The following WASF3 variants were observed in gnomAD, a reference collection of about 807,000 sequenced individuals.
The protein encoded by WASF3 is WASP family member 3, also known as actin-binding protein WASF3.
A neutral mutation model predicts 46.6 loss-of-function variants in WASF3; 11 were observed. The observed-to-expected ratio is 0.24, with a 90% CI of 0.15 to 0.39. The LOEUF (loss-of-function observed/expected upper bound fraction) is 0.39. Ranked by LOEUF, WASF3 falls within the 10% of genes least tolerant of loss-of-function variation. WASF3 has a pLI of 1.00. For missense variants in WASF3, 576 were observed against 669.8 expected (o/e 0.86, Z 1.55); for synonymous variants, 242 against 259.7 (o/e 0.93, Z 0.65).
intron 2 of WASF3, among the ~76,000 whole-genome samples, chr13:26,624,159 C>T (rs1173070645): frequency 6.6e-6 from 1 of 152,132 alleles, no homozygotes; most frequent in African/African-American, 2.4e-5. Context: ...TCAATGGAAA[C>T]AGACTCAGAG....
chr13:26,596,490 C>G (rs921472947), intron 1 of WASF3, among the ~76,000 whole-genome samples: 1 of 151,892 alleles, frequency 6.6e-6, no homozygotes, highest in African/African-American at 2.4e-5. Flanking sequence ...AAAATTTAGC[C>G]TTCTTAAATG....
intron 7 of WASF3, chr13:26,680,013 G>A (rs776648252): frequency 1.3e-5 from 20 of 1,591,492 alleles, no homozygotes; most frequent in Middle Eastern, 1.6e-4. Flanking sequence ...CACCCCCAAT[G>A]TGTGTTTGGT....
chr13:26,632,669 C>T (rs574408395), intron 2 of WASF3, among the ~76,000 whole-genome samples: 2 of 152,258 alleles, frequency 1.3e-5, no homozygotes, highest in Admixed American at 6.5e-5. Flanking sequence ...TTTGGTATCA[C>T]GATGATGCTG....
At chr13:26,596,750 T>C (rs1880477659) in intron 1 of WASF3, among the ~76,000 whole-genome samples, 1 of 152,210 alleles carries the variant, frequency 6.6e-6, no homozygotes, top group South Asian at 2.1e-4. Flanking sequence ...CCTTGTCTTC[T>C]GGGACTCCAG....
intron 3 of WASF3, among the ~76,000 whole-genome samples, chr13:26,645,811 A>G (rs1449306585): frequency 6.6e-6 from 1 of 152,210 alleles, no homozygotes; most frequent in East Asian, 1.9e-4. Flanking sequence ...AGTACTTTAG[A>G]ATAGTTATGA....
At chr13:26,590,935 G>A (rs1188872587) in intron 1 of WASF3, among the ~76,000 whole-genome samples, 1 of 152,194 alleles carries the variant, frequency 6.6e-6, no homozygotes, top group African/African-American at 2.4e-5. Flanking sequence ...TTTAAAAAGG[G>A]TAAGGAGGTT....
chr13:26,645,288 T>C (rs1435114053), intron 3 of WASF3, among the ~76,000 whole-genome samples: 2 of 152,118 alleles, frequency 1.3e-5, no homozygotes, highest in African/African-American at 4.8e-5. Context: ...AGGCACTGTC[T>C]TGAAGAAGAG....
intron 1 of WASF3, among the ~76,000 whole-genome samples, chr13:26,573,972 T>C (rs572603888): frequency 1.5e-4 from 23 of 150,648 alleles, no homozygotes; most frequent in Non-Finnish European, 2.9e-4. Context: ...TCATCTGTTA[T>C]TTTTGCTGTA....
At chr13:26,677,401 T>G (rs1234216878) in intron 7 of WASF3, among the ~76,000 whole-genome samples, 1 of 152,232 alleles carries the variant, frequency 6.6e-6, no homozygotes, top group Non-Finnish European at 1.5e-5. Flanking sequence ...CTATTTCTGC[T>G]TTTGTAAAGT....
chr13:26,662,753 T>C (rs1882666131), intron 3 of WASF3, among the ~76,000 whole-genome samples: 1 of 152,220 alleles, frequency 6.6e-6, no homozygotes, highest in African/African-American at 2.4e-5. Context: ...TCACTCAATA[T>C]ACCCATGTAA....
intron 3 of WASF3, 147 bp from the exon 4 acceptor site, chr13:26,664,881 T>C (rs1882725999): frequency 1.4e-6 from 1 of 720,514 alleles, no homozygotes; most frequent in Non-Finnish European, 2.3e-6. Flanking sequence ...TCAAAAGTTC[T>C]AAAGGCCTTG....
chr13:26,594,618 A>G (rs959575849), intron 1 of WASF3, among the ~76,000 whole-genome samples: 4 of 152,144 alleles, frequency 2.6e-5, no homozygotes, highest in African/African-American at 9.7e-5. Flanking sequence ...TCATACTGCC[A>G]AAGTTACCTC....
At chr13:26,607,456 A>G (rs1045311462) in intron 1 of WASF3, among the ~76,000 whole-genome samples, 1 of 152,234 alleles carries the variant, frequency 6.6e-6, no homozygotes, top group Non-Finnish European at 1.5e-5. Flanking sequence ...GCAGAAATAA[A>G]GAATGAACAG....
At chr13:26,598,457 C>T (rs1053500003) in intron 1 of WASF3, among the ~76,000 whole-genome samples, 2 of 152,056 alleles carry the variant, frequency 1.3e-5, no homozygotes, top group South Asian at 2.1e-4. Flanking sequence ...AGAAGCTCTT[C>T]GGCCCGATGA....
intron 1 of WASF3, among the ~76,000 whole-genome samples, chr13:26,603,641 C>G (rs1369611952): frequency 6.6e-6 from 1 of 152,110 alleles, no homozygotes; most frequent in East Asian, 1.9e-4. Flanking sequence ...GCCTGGGCAG[C>G]ACAGTGAGAC....
chr13:26,635,845 A>G (rs1019166775), intron 2 of WASF3, among the ~76,000 whole-genome samples: 4 of 152,252 alleles, frequency 2.6e-5, no homozygotes, highest in Admixed American at 2.6e-4. Context: ...AACATTGCAG[A>G]ACAGCAAGTA....
chr13:26,632,065 A>G (rs1320826146), intron 2 of WASF3, among the ~76,000 whole-genome samples: 2 of 152,248 alleles, frequency 1.3e-5, no homozygotes, highest in Non-Finnish European at 1.5e-5. Context: ...GCTTAAGGAG[A>G]TTTTGGGCTG....
chr13:26,650,209 T>G (rs1270813323), intron 3 of WASF3, among the ~76,000 whole-genome samples: 3 of 152,192 alleles, frequency 2.0e-5, no homozygotes, highest in Non-Finnish European at 4.4e-5. Context: ...CAGTCCCTTC[T>G]GGTCGTCCTG....
chr13:26,647,057 A>G (rs965306740), intron 3 of WASF3, among the ~76,000 whole-genome samples: 1 of 152,182 alleles, frequency 6.6e-6, no homozygotes, highest in Non-Finnish European at 1.5e-5. Context: ...CAAATCAGAC[A>G]CTTCACTTCA....
Sources: gnomAD v4.1 joint callset for allele counts (sites outside exome capture counted in the v4.1 genomes callset) on GRCh38, gnomAD v4.1.1 for gene constraint, MANE v1.5 for transcripts, NCBI Gene and HGNC (gene_info 2026-07-23, HGNC 2026-07-21) for gene names.